The following FAM178B variants were observed in gnomAD, a reference collection of about 807,000 sequenced individuals.
The protein encoded by FAM178B is family with sequence similarity 178 member B.
In FAM178B, 82 loss-of-function variants were observed where a neutral mutation model predicts 91.7. The ratio of observed to expected loss-of-function variants is 0.89; its 90% CI spans 0.75 to 1.07. FAM178B has a LOEUF of 1.07. FAM178B is among the 50% of genes least tolerant of loss of function. FAM178B has a pLI of 0.00. For missense variants in FAM178B, 769 were observed against 846.7 expected (o/e 0.91, Z 1.14); for synonymous variants, 368 against 359.4 (o/e 1.02, Z -0.27).
At chr2:96,880,516 C>A (rs1192921582) in intron 14 of FAM178B, among the ~76,000 whole-genome samples, 1 of 152,208 alleles carries the variant, frequency 6.6e-6, no homozygotes, top group East Asian at 1.9e-4. Flanking sequence ...GGTATCCCTA[C>A]CTTTCCTTTT....
rs528919963 is a variant in FAM178B at position 96,924,466 on chromosome 2, A to G, written c.1194-883T>C. ...ATCTGGCTGAGCACCAGATGATGTT[A>G]GAGACCAGGGCTGGGGAAAGAAAAA... On this transcript the variant is annotated intron_variant, in intron 9 of 16. Coordinates refer to ENST00000490605, the MANE Select transcript of FAM178B (RefSeq NM_001122646.3). 1.7e-4 allele frequency among the ~76,000 whole-genome samples: 26 copies of G among 152,324 alleles called. 1 individual carries two copies. The South Asian group carries it at 4.1e-3, about 24-fold the overall frequency.
At chr2:96,957,500 CCCTCACTCCAGGGAAG>C (rs1304226922) in intron 6 of FAM178B, among the ~76,000 whole-genome samples, 8 of 152,170 alleles carry the variant, frequency 5.3e-5, no homozygotes, top group Non-Finnish European at 1.2e-4. Context: ...GGGTCTGAAA[CCCTCACTCCAGGGAAG>C]CTGGGCAGCC....
chr2:96,937,087 AT>A (rs2081645140), intron 8 of FAM178B, among the ~76,000 whole-genome samples: 1 of 103,978 alleles, frequency 9.6e-6, no homozygotes, highest in Non-Finnish European at 1.8e-5. Context: ...TAGAGACGAG[AT>A]TTCACTATGT....
In FAM178B at chr2:96,885,753, G is replaced by A. The variant is rs577088141; in HGVS notation, c.1777-7260C>T. On this transcript the variant is annotated intron_variant, in intron 14 of 16. Transcript: ENST00000490605. Reference sequence around the variant, plus strand: ...AGGCAGGGATTGGCGGGGTCTTCCTGCTGCTCCAGCTGGGACCAGAGACCT... The same window carrying A: ...AGGCAGGGATTGGCGGGGTCTTCCTACTGCTCCAGCTGGGACCAGAGACCT... 6.9e-4 allele frequency among the ~76,000 whole-genome samples: 105 copies of A among 152,246 alleles called. 2 individuals are homozygous for A. The highest frequency in any genetic ancestry group is 2.4e-3 in the African/African-American group (99 of 41,544).
intron 12 of FAM178B, among the ~76,000 whole-genome samples, chr2:96,915,561 T>C (rs1291744674): frequency 2.0e-5 from 3 of 151,572 alleles, no homozygotes; most frequent in Admixed American, 1.3e-4. Context: ...CTCACGCCTA[T>C]AATCCCAGCA....
chr2:96,876,695 C>T (rs955426384), intron 16 of FAM178B, among the ~76,000 whole-genome samples: 2 of 151,594 alleles, frequency 1.3e-5, no homozygotes, highest in African/African-American at 4.9e-5. Flanking sequence ...AGACCTAAGT[C>T]AGAGGTTATA....
chr2:96,966,288 T>G (rs2082142657), intron 5 of FAM178B, among the ~76,000 whole-genome samples: 1 of 152,034 alleles, frequency 6.6e-6, no homozygotes, highest in Non-Finnish European at 1.5e-5. Context: ...GCCCACACCC[T>G]TCCCAGAGCC....
intron 12 of FAM178B, among the ~76,000 whole-genome samples, chr2:96,907,249 G>A (rs2081074052): frequency 6.6e-6 from 1 of 152,190 alleles, no homozygotes; most frequent in African/African-American, 2.4e-5. Flanking sequence ...CAGCAAGGAG[G>A]GGGCAGGGGG....
chr2:96,930,103 A>T (rs544777331), intron 8 of FAM178B, among the ~76,000 whole-genome samples: 1 of 150,202 alleles, frequency 6.7e-6, no homozygotes, highest in African/African-American at 2.4e-5. Flanking sequence ...CTGTAGTCCC[A>T]GGATAATTGC....
In FAM178B at chr2:96,972,746, C is replaced by G. The variant is rs1356933049; in HGVS notation, c.74-140G>C. ...CTGAGGACTGGCCTTCTGATCCCAC[C>G]AAGGTCAAGTTGCTGAGATGGAGAG... On this transcript the variant is annotated intron_variant, in intron 1 of 16. Transcript: ENST00000490605. The G allele has an allele frequency of 6.0e-6, 4 of 668,546 alleles. No homozygotes were observed. The African/African-American group carries it at 7.2e-5, about 12-fold the overall frequency. The allele number at this position is 668,546 out of a possible 1,614,324, so 41.4% of individuals were successfully genotyped here. A position where few individuals can be genotyped will look rare whatever the true frequency, so the allele number is the denominator to read the frequency against.
chr2:96,943,106 T>C (rs1300448880), intron 8 of FAM178B, among the ~76,000 whole-genome samples: 3 of 152,178 alleles, frequency 2.0e-5, no homozygotes, highest in Admixed American at 6.5e-5. Flanking sequence ...GTCAGTAATT[T>C]TGACACCACA....
chr2:96,940,749 C>T (rs1303105672), intron 8 of FAM178B, among the ~76,000 whole-genome samples: 1 of 152,230 alleles, frequency 6.6e-6, no homozygotes, highest in African/African-American at 2.4e-5. Context: ...AATGATTTTA[C>T]AGGCACATAT....
chr2:96,950,754 C>T (rs143383508), intron 7 of FAM178B, among the ~76,000 whole-genome samples: 3 of 152,342 alleles, frequency 2.0e-5, no homozygotes, highest in Non-Finnish European at 4.4e-5. Flanking sequence ...TATGGCAAAA[C>T]GCTCTAGCAG....
intron 8 of FAM178B, among the ~76,000 whole-genome samples, chr2:96,932,654 T>C (rs1354345666): frequency 1.3e-5 from 2 of 152,110 alleles, no homozygotes; most frequent in African/African-American, 2.4e-5. Flanking sequence ...AATGCCAGCA[T>C]GGGCCGGGCA....
intron 1 of FAM178B, among the ~76,000 whole-genome samples, chr2:96,980,474 T>G (rs2082347414): frequency 6.6e-6 from 1 of 152,254 alleles, no homozygotes; most frequent in African/African-American, 2.4e-5. Context: ...CATAGCTCAC[T>G]GCAGCCTAGA....
chr2:96,910,824 T>C (rs1257687402), intron 12 of FAM178B, among the ~76,000 whole-genome samples: 1 of 149,774 alleles, frequency 6.7e-6, no homozygotes, highest in Admixed American at 6.7e-5. Flanking sequence ...TTTGAGACAG[T>C]CTTGCTCTGT....
At chr2:96,906,063 G>T (rs1574226746) in intron 12 of FAM178B, among the ~76,000 whole-genome samples, 3 of 146,906 alleles carry the variant, frequency 2.0e-5, no homozygotes, top group South Asian at 2.2e-4. Context: ...TAGAGACGGG[G>T]TTTCTCCATG....
chr2:96,952,512 G>A (rs1453572080), intron 6 of FAM178B, among the ~76,000 whole-genome samples: 1 of 152,174 alleles, frequency 6.6e-6, no homozygotes, highest in Non-Finnish European at 1.5e-5. Flanking sequence ...GTGTGGAGAT[G>A]AGCCCTGCCT....
intron 8 of FAM178B, among the ~76,000 whole-genome samples, chr2:96,944,476 G>A (rs1252881767): frequency 2.0e-5 from 3 of 152,172 alleles, no homozygotes; most frequent in African/African-American, 4.8e-5. Context: ...CAGTGACCTC[G>A]TATGTCCCAT....
Sources: allele counts gnomAD v4.1 joint callset (sites outside exome capture counted in the v4.1 genomes callset), GRCh38; gene constraint gnomAD v4.1.1; transcripts MANE v1.5; gene names NCBI Gene and HGNC (gene_info 2026-07-23, HGNC 2026-07-21).